SLC35E2B: variants seen among roughly 807,000 people sequenced by gnomAD.
SLC35E2B encodes the protein solute carrier family 35, member E2B.
In SLC35E2B, 18 loss-of-function variants were observed where a neutral mutation model predicts 32.4. That is an observed-to-expected ratio of 0.56 (90% CI 0.38 to 0.82). The LOEUF is 0.82. Among genes scored for constraint, SLC35E2B ranks in the 40% least tolerant of loss-of-function variants. The probability of loss-of-function intolerance (pLI) is 0.00; values close to 1 mark genes in which losing one functional copy is unlikely to be tolerated. For missense variants in SLC35E2B, 263 were observed against 469.5 expected, an observed-to-expected ratio of 0.56 and a Z score of 4.06; for synonymous variants, 132 against 209.1, an observed-to-expected ratio of 0.63 and a Z score of 3.18.
rs527741044 is a variant in SLC35E2B at position 1,665,317 on chromosome 1, C to A, written c.*465G>T. 6 of 368,068 alleles carry A rather than the reference C, an allele frequency of 1.6e-5. No individual in the cohort carries two copies. The South Asian group carries it at 5.6e-4, about 35-fold the overall frequency. 22.8% of individuals were successfully genotyped at this position (368,068 alleles called of 1,614,324 possible). The stretch of plus-strand genomic sequence containing the variant: ...AGGGCCCTCTGTCCCCTCCCTTCGG[C>A]CCTGCTCTGTGGCCTCATGCCCAGG... On this transcript the variant is annotated 3_prime_UTR_variant, in exon 10 of 10. Transcript: ENST00000617444.
intron 2 of SLC35E2B, among the ~76,000 whole-genome samples, chr1:1,688,894 G>A (rs529350416): frequency 4.0e-5 from 6 of 151,814 alleles, no homozygotes; most frequent in Admixed American, 1.3e-4. Context: ...CCTCGAGGTC[G>A]GGCGCGGTGG....
rs535245281 is a variant in SLC35E2B at position 1,674,675 on chromosome 1, C to T, written c.586+788G>A. Reference sequence around the variant, plus strand: ...AAAAAAACCAGAGTTGACTTTTAGGCTTTGATTTTGTTATAATCACCTAAA... The same window carrying T: ...AAAAAAACCAGAGTTGACTTTTAGGTTTTGATTTTGTTATAATCACCTAAA... On this transcript the variant is annotated intron_variant, in intron 5 of 9. Coordinates refer to ENST00000617444, the MANE Select transcript of SLC35E2B (RefSeq NM_001290264.2). 2.7e-5 allele frequency among the ~76,000 whole-genome samples: 4 copies of T among 149,836 alleles called. No individual in the cohort carries two copies. In the East Asian group the frequency reaches 7.8e-4, roughly 29 times the overall value.
At chr1:1,677,994 C>T (rs1048643313) in intron 2 of SLC35E2B, among the ~76,000 whole-genome samples, 55 of 151,808 alleles carry the variant, frequency 3.6e-4, no homozygotes, top group African/African-American at 1.3e-3. Flanking sequence ...TCCCAGCGCT[C>T]AGGCAGCCCG....
intron 2 of SLC35E2B, among the ~76,000 whole-genome samples, chr1:1,683,909 A>T (rs7520934): frequency 6.6e-6 from 1 of 151,962 alleles, no homozygotes; most frequent in Non-Finnish European, 1.5e-5. Context: ...GGTTGGAAAC[A>T]GGGTCTCAGA....
At chr1:1,690,760 AAAC>A (rs2101123765) in intron 2 of SLC35E2B, among the ~76,000 whole-genome samples, 1 of 51,566 alleles carries the variant, frequency 1.9e-5, no homozygotes, top group South Asian at 7.9e-4. Context: ...AAAAAAAACA[AAAC>A]AACATATTTC....
rs1030229204 is a variant in SLC35E2B, at chr1:1,674,933, T to C, written c.586+530A>G. Among the ~76,000 whole-genome samples, 55 of 152,172 alleles carry C rather than the reference T, an allele frequency of 3.6e-4. 1 individual carries two copies. The highest frequency in any genetic ancestry group is 7.2e-4 in the African/African-American group (30 of 41,534). On this transcript the variant is annotated intron_variant, in intron 5 of 9. Transcript: ENST00000617444. ...CCACACTGGGTACGCGACATGGGGC[T>C]GACATGTCGCTGGAAATCGCCTGTG...
chr1:1,684,789 C>CAAAAAA lies in SLC35E2B; in HGVS notation c.-148+6181_-148+6186dup, dbSNP rs1175219653. On this transcript the variant is annotated intron_variant, in intron 2 of 9. Coordinates refer to ENST00000617444, the MANE Select transcript of SLC35E2B (RefSeq NM_001290264.2). ...TGGGCAACAGAGCGAGACTCCATCT[C>CAAAAAA]AAAAAAAAAAAAAAAAAAAAAAAAA... is the stretch of plus-strand genomic sequence containing the variant. 4.3e-3 allele frequency among the ~76,000 whole-genome samples: 103 copies of CAAAAAA among 23,694 alleles called. 9 individuals are homozygous for CAAAAAA. The highest frequency in any genetic ancestry group is 6.0e-3 in the Non-Finnish European group (82 of 13,710). 15.5% of individuals were successfully genotyped at this position (23,694 alleles called of 152,430 possible).
At chr1:1,688,279 G>A (rs1232572606) in intron 2 of SLC35E2B, among the ~76,000 whole-genome samples, 5 of 151,904 alleles carry the variant, frequency 3.3e-5, no homozygotes, top group Non-Finnish European at 5.9e-5. Context: ...TCACAATCAC[G>A]ACGAGTCACC....
At chr1:1,677,623 G>A (rs1643865017) in intron 2 of SLC35E2B, among the ~76,000 whole-genome samples, 1 of 151,410 alleles carries the variant, frequency 6.6e-6, no homozygotes, top group African/African-American at 2.4e-5. Context: ...GACGACAGGC[G>A]TCCGCCACCA....
chr1:1,689,219 G>C (rs974524686), intron 2 of SLC35E2B, among the ~76,000 whole-genome samples: 1 of 152,054 alleles, frequency 6.6e-6, no homozygotes, highest in South Asian at 2.1e-4. Flanking sequence ...GAGGCACCAC[G>C]AGTTGCTGAA....
chr1:1,679,366 C>T (rs534979314), intron 2 of SLC35E2B, among the ~76,000 whole-genome samples: 7 of 152,256 alleles, frequency 4.6e-5, no homozygotes, highest in South Asian at 4.1e-4. Flanking sequence ...AACTGCTCCC[C>T]GCAATGAGGA....
intron 6 of SLC35E2B, chr1:1,670,414 G>T: frequency 3.1e-6 from 1 of 321,492 alleles, no homozygotes; most frequent in Non-Finnish European, 5.7e-6. Flanking sequence ...GAGCCACCAC[G>T]CCCAACAGAT....
At chr1:1,688,822 C>A (rs1168782341) in intron 2 of SLC35E2B, among the ~76,000 whole-genome samples, 1 of 152,090 alleles carries the variant, frequency 6.6e-6, no homozygotes, top group Non-Finnish European at 1.5e-5. Flanking sequence ...ATGAGGACTT[C>A]TAGTTCAGTC....
At chr1:1,686,107 C>T (rs763105749) in intron 2 of SLC35E2B, among the ~76,000 whole-genome samples, 1 of 152,082 alleles carries the variant, frequency 6.6e-6, no homozygotes, top group Admixed American at 6.6e-5. Context: ...CAGGTTCAAG[C>T]GATTCTCCTG....
In SLC35E2B at chr1:1,663,504, CCT is replaced by C. The variant is rs1202219249; in HGVS notation, c.*2276_*2277del. ...GTTTGTTTTTGAGACGGAATCTTGC[CCT>C]GTTGCCCAGGCTGGAGTGCAATGGC... is the stretch of plus-strand genomic sequence containing the variant. On this transcript the variant is annotated 3_prime_UTR_variant, in exon 10 of 10. Transcript: ENST00000617444. 2 of 858,366 alleles carry C rather than the reference CCT, an allele frequency of 2.3e-6. No homozygotes were observed. Among genetic ancestry groups the C allele is most frequent in the African/African-American group, 1.8e-5 (1 of 55,686 alleles). The allele number at this position is 858,366 out of a possible 1,614,324, so 53.2% of individuals were successfully genotyped here.
chr1:1,671,661 A>G (rs1428185038), intron 5 of SLC35E2B, 32 bp from the exon 6 acceptor site: 2 of 1,489,032 alleles, frequency 1.3e-6, no homozygotes, highest in Non-Finnish European at 9.0e-7. Flanking sequence ...TGAGTGGCTG[A>G]CCCGCCGGGC....
rs949762282 is a variant in SLC35E2B, at chr1:1,665,216, G to A, written c.*566C>T. The A allele has an allele frequency of 1.0e-5, 2 of 197,108 alleles. No individual in the cohort carries two copies. Among genetic ancestry groups the A allele is most frequent in the African/African-American group, 4.6e-5 (2 of 43,036 alleles). 12.2% of individuals were successfully genotyped at this position (197,108 alleles called of 1,614,324 possible). A position where few individuals can be genotyped will look rare whatever the true frequency, so the allele number is the denominator to read the frequency against. Reference sequence around the variant, plus strand: ...GCTTGCGATGCCTCTGGGATAGTCTGAGGATGCCCACAGCCCTGGGTCAGG... The same window carrying A: ...GCTTGCGATGCCTCTGGGATAGTCTAAGGATGCCCACAGCCCTGGGTCAGG... On this transcript the variant is annotated 3_prime_UTR_variant, in exon 10 of 10. Transcript: ENST00000617444.
intron 5 of SLC35E2B, among the ~76,000 whole-genome samples, chr1:1,674,641 A>C (rs936206262): frequency 2.0e-5 from 3 of 151,336 alleles, no homozygotes; most frequent in African/African-American, 7.3e-5. Flanking sequence ...AACAAAAAAA[A>C]AAAAACAAAA....
intron 5 of SLC35E2B, 150 bp downstream of exon 5, chr1:1,675,313 C>T: frequency 2.3e-6 from 2 of 881,066 alleles, no homozygotes; most frequent in Non-Finnish European, 3.4e-6. Flanking sequence ...GCACATGTGA[C>T]CGTGAGAGAA....
Sources: gnomAD v4.1 joint callset for allele counts (sites outside exome capture counted in the v4.1 genomes callset) on GRCh38, gnomAD v4.1.1 for gene constraint, MANE v1.5 for transcripts, NCBI Gene and HGNC (gene_info 2026-07-23, HGNC 2026-07-21) for gene names.